Variants in STXBP5 observed in about 807,000 individuals in gnomAD.
STXBP5 encodes syntaxin-binding protein 5.
Under a neutral mutation model 152.4 loss-of-function variants are expected in STXBP5, and 50 were observed. That is an observed-to-expected ratio of 0.33 (90% CI 0.26 to 0.42). The LOEUF is 0.42. Ranked by LOEUF, STXBP5 falls within the 10% of genes least tolerant of loss-of-function variation. The pLI, the probability that STXBP5 is intolerant of heterozygous loss-of-function variation, is 1.00. For missense variants in STXBP5, 1,167 were observed against 1,388.6 expected, an observed-to-expected ratio of 0.84 and a Z score of 2.54; for synonymous variants, 492 against 494.7, an observed-to-expected ratio of 0.99 and a Z score of 0.07.
intron 4 of STXBP5, among the ~76,000 whole-genome samples, chr6:147,252,739 C>G (rs1779160689): frequency 6.6e-6 from 1 of 152,126 alleles, no homozygotes; most frequent in Non-Finnish European, 1.5e-5. Flanking sequence ...CACGAAGATA[C>G]TCCTCGAGAA....
At chr6:147,264,024 A>G (rs1582862156) in intron 6 of STXBP5, among the ~76,000 whole-genome samples, 1 of 151,628 alleles carries the variant, frequency 6.6e-6, no homozygotes, top group East Asian at 1.9e-4. Context: ...ATACAATTAT[A>G]TGGATTATAT....
chr6:147,213,115 T>C (rs1562411830), intron 2 of STXBP5, among the ~76,000 whole-genome samples: 1 of 152,128 alleles, frequency 6.6e-6, no homozygotes, highest in African/African-American at 2.4e-5. Flanking sequence ...AATTGTATAG[T>C]GTAATAACTT....
chr6:147,373,651 G>T lies in STXBP5; in HGVS notation c.3082-80G>T. On this transcript the variant is annotated intron_variant, in intron 25 of 27. Transcript: ENST00000321680. ...GGTAATGTTCTGAGCTTAAGTTAAG[G>T]AGTTTACAGTGATACTTTTGTTCAT... The T allele has an allele frequency of 3.2e-6, 3 of 944,174 alleles. No homozygotes were observed. The South Asian group carries it at 4.2e-5, about 13-fold the overall frequency. 58.5% of individuals were successfully genotyped at this position (944,174 alleles called of 1,614,324 possible).
At chr6:147,286,392 T>C (rs1272333378) in intron 8 of STXBP5, among the ~76,000 whole-genome samples, 1 of 152,176 alleles carries the variant, frequency 6.6e-6, no homozygotes, top group Non-Finnish European at 1.5e-5. Flanking sequence ...TTATAAAAAT[T>C]TAATATGGGT....
intron 6 of STXBP5, among the ~76,000 whole-genome samples, chr6:147,264,757 A>C (rs1779809340): frequency 6.6e-6 from 1 of 152,112 alleles, no homozygotes; most frequent in Admixed American, 6.6e-5. Context: ...TAAGTACTCT[A>C]TCTTTAGTTT....
In STXBP5 at chr6:147,367,562, C is replaced by T. The variant is rs140788704; in HGVS notation, c.3081+3396C>T. On this transcript the variant is annotated intron_variant, in intron 25 of 27. Coordinates refer to ENST00000321680, the MANE Select transcript of STXBP5 (RefSeq NM_001127715.4). ...CTCAGGCAGGAGAATCGCTTGAACC[C>T]GGGAGGCGGAGCTTGCAGTGAGCTG... 2.9e-3 allele frequency among the ~76,000 whole-genome samples: 435 copies of T among 152,096 alleles called. 2 individuals carry two copies. Among genetic ancestry groups the T allele is most frequent in the African/African-American group, 9.5e-3 (393 of 41,490 alleles).
chr6:147,322,614 C>T (rs1005337924), intron 16 of STXBP5, among the ~76,000 whole-genome samples: 1 of 152,200 alleles, frequency 6.6e-6, no homozygotes, highest in East Asian at 1.9e-4. Flanking sequence ...TGTTCTCTCA[C>T]ACACTGTCAT....
At chr6:147,265,374 A>G (rs1375941748) in intron 6 of STXBP5, among the ~76,000 whole-genome samples, 1 of 152,134 alleles carries the variant, frequency 6.6e-6, no homozygotes, top group Non-Finnish European at 1.5e-5. Flanking sequence ...TTACCCAAAC[A>G]GATATAGACT....
At chr6:147,311,415 G>T (rs1162741216) in intron 10 of STXBP5, 40 bp from the exon 11 acceptor site, 2 of 1,550,416 alleles carry the variant, frequency 1.3e-6, no homozygotes, top group Admixed American at 3.4e-5. Context: ...CTGTCCACTT[G>T]CATTTTTGAA....
At chr6:147,320,387 G>T (rs1352476989) in intron 16 of STXBP5, among the ~76,000 whole-genome samples, 1 of 151,950 alleles carries the variant, frequency 6.6e-6, no homozygotes, top group Admixed American at 6.6e-5. Context: ...AACACAGGTT[G>T]AGGGGAAAAT....
At chr6:147,213,477 T>TGTGTGTGTGTGTGTGCGCGCGCGCGCGC in intron 2 of STXBP5, among the ~76,000 whole-genome samples, 5 of 131,276 alleles carry the variant, frequency 3.8e-5, no homozygotes, top group African/African-American at 9.6e-5. Flanking sequence ...TGTGTGTGTG[T>TGTGTGTGTGTGTGTGCGCGCGCGCGCGC]GCGCGCGCAT....
intron 15 of STXBP5, 47 bp from the exon 16 acceptor site, chr6:147,316,182 G>T: frequency 1.3e-6 from 2 of 1,555,806 alleles, no homozygotes; most frequent in South Asian, 2.2e-5. Context: ...GTGATAAAAT[G>T]AGCAATAATT....
chr6:147,300,023 A>T (rs1781727038), intron 9 of STXBP5, among the ~76,000 whole-genome samples: 1 of 152,008 alleles, frequency 6.6e-6, no homozygotes, highest in Admixed American at 6.6e-5. Flanking sequence ...CTAATAGTGA[A>T]CTAACTGAAA....
chr6:147,292,311 T>C, intron 9 of STXBP5: 1 of 446,580 alleles, frequency 2.2e-6, no homozygotes, highest in African/African-American at 2.0e-5. Context: ...ATAGATTAAA[T>C]GAACTCTAAG....
intron 3 of STXBP5, among the ~76,000 whole-genome samples, chr6:147,235,933 T>C (rs1421412602): frequency 6.6e-6 from 1 of 152,062 alleles, no homozygotes; most frequent in African/African-American, 2.4e-5. Context: ...CAAGTATTGA[T>C]AGAGAGGGAA....
In STXBP5 at chr6:147,224,451, G is replaced by A. The variant is rs975630937; in HGVS notation, c.249-10799G>A. On this transcript the variant is annotated intron_variant, in intron 2 of 27. Coordinates refer to ENST00000321680, the MANE Select transcript of STXBP5 (RefSeq NM_001127715.4). ...CCAGATAAATAAAATAAAATAAACC[G>A]AACTAAACTAAACTAAATTAAAATA... Among the ~76,000 whole-genome samples the A allele has an allele frequency of 4.6e-5, 7 of 152,104 alleles. No individual in the cohort carries two copies. In the South Asian group the frequency reaches 6.2e-4, roughly 14 times the overall value.
intron 21 of STXBP5, among the ~76,000 whole-genome samples, chr6:147,349,178 T>C (rs780326369): frequency 2.0e-5 from 3 of 152,032 alleles, no homozygotes; most frequent in African/African-American, 7.2e-5. Flanking sequence ...AATACAAGCT[T>C]TAAAATATTT....
At chr6:147,292,019 T>A (rs1039309482) in intron 9 of STXBP5, among the ~76,000 whole-genome samples, 5 of 152,134 alleles carry the variant, frequency 3.3e-5, no homozygotes, top group Admixed American at 2.6e-4. Flanking sequence ...AACTCTAGGG[T>A]CGGGACCCAG....
At chr6:147,286,007 G>A (rs1780942896) in intron 8 of STXBP5, among the ~76,000 whole-genome samples, 1 of 152,140 alleles carries the variant, frequency 6.6e-6, no homozygotes, top group South Asian at 2.1e-4. Flanking sequence ...ACCTTCTTCA[G>A]AGCAAACATT....
Sources: allele counts gnomAD v4.1 joint callset (sites outside exome capture counted in the v4.1 genomes callset), GRCh38; gene constraint gnomAD v4.1.1; transcripts MANE v1.5; gene names NCBI Gene and HGNC (gene_info 2026-07-23, HGNC 2026-07-21).